The following FSTL5 variants were observed in gnomAD, a reference collection of about 807,000 sequenced individuals.
The protein encoded by FSTL5 is follistatin-related protein 5.
A neutral mutation model predicts 89.1 loss-of-function variants in FSTL5; 62 were observed. The ratio of observed to expected loss-of-function variants is 0.70; its 90% confidence interval spans 0.57 to 0.86. The LOEUF (loss-of-function observed/expected upper bound fraction) is 0.86. Ranked by LOEUF, FSTL5 falls within the 40% of genes least tolerant of loss-of-function variation. The pLI is 0.00. For missense variants in FSTL5, 1,057 were observed against 1,001.6 expected, an observed-to-expected ratio of 1.06 and a Z score of -0.75; for synonymous variants, 383 against 346.2, an observed-to-expected ratio of 1.11 and a Z score of -1.18.
At chr4:161,905,588 ACT>A (rs1277769224) in intron 4 of FSTL5, among the ~76,000 whole-genome samples, 4 of 152,094 alleles carry the variant, frequency 2.6e-5, no homozygotes, top group Admixed American at 2.6e-4. Context: ...TGATGTGAAG[ACT>A]CTGGGGACTC....
intron 15 of FSTL5, among the ~76,000 whole-genome samples, chr4:161,428,626 A>C (rs1330707068): frequency 2.0e-5 from 3 of 151,988 alleles, no homozygotes; most frequent in Non-Finnish European, 4.4e-5. Context: ...CTGGGCCAGA[A>C]GGGAAACCAC....
At chr4:161,740,444 G>A (rs1194519681) in intron 6 of FSTL5, among the ~76,000 whole-genome samples, 1 of 151,156 alleles carries the variant, frequency 6.6e-6, no homozygotes, top group Non-Finnish European at 1.5e-5. Flanking sequence ...AAGTATATCT[G>A]ACCCCATTTC....
intron 11 of FSTL5, among the ~76,000 whole-genome samples, chr4:161,507,085 C>T (rs1185484294): frequency 1.3e-5 from 2 of 151,858 alleles, no homozygotes; most frequent in Non-Finnish European, 2.9e-5. Context: ...AATTCATGTG[C>T]CAATAAATTT....
intron 3 of FSTL5, among the ~76,000 whole-genome samples, chr4:162,003,016 C>T (rs1421186331): frequency 1.3e-5 from 2 of 151,876 alleles, no homozygotes; most frequent in Admixed American, 6.6e-5. Context: ...TGGTGTCAGG[C>T]GCCTCTAGTC....
At chr4:161,458,441 C>T (rs191161904) in intron 14 of FSTL5, among the ~76,000 whole-genome samples, 1 of 152,050 alleles carries the variant, frequency 6.6e-6, no homozygotes, top group African/African-American at 2.4e-5. Context: ...CTGAAAATAA[C>T]TCAGAAACAT....
At chr4:161,906,421 G>A (rs937956229) in intron 4 of FSTL5, among the ~76,000 whole-genome samples, 3 of 152,130 alleles carry the variant, frequency 2.0e-5, no homozygotes, top group Non-Finnish European at 4.4e-5. Flanking sequence ...GATTGGAAAT[G>A]AGGTTGGAAA....
At position 162,141,202 on chromosome 4, in the gene FSTL5, C is replaced by T. The variant is rs1046672357; in HGVS notation, c.-17+22413G>A. Among the ~76,000 whole-genome samples the T allele has an allele frequency of 3.8e-4, 33 of 85,960 alleles. 1 individual carries two copies. Among genetic ancestry groups the T allele is most frequent in the Non-Finnish European group, 8.2e-4 (31 of 37,696 alleles). The allele number at this position is 85,960 out of a possible 152,430, so 56.4% of individuals were successfully genotyped here. ...CGCGATCTCGACTCACTGCAAGCTC[C>T]GCCTCCCGGGTTCACGCCATTCTCC... On this transcript the variant is annotated intron_variant, in intron 1 of 15. Transcript: ENST00000306100.
intron 3 of FSTL5, among the ~76,000 whole-genome samples, chr4:161,949,174 C>G (rs1024972836): frequency 1.3e-5 from 2 of 152,076 alleles, no homozygotes; most frequent in African/African-American, 4.8e-5. Flanking sequence ...GTTCTTCTCC[C>G]GCTTTCATTT....
intron 6 of FSTL5, among the ~76,000 whole-genome samples, chr4:161,730,316 C>T (rs1166951426): frequency 6.6e-6 from 1 of 151,962 alleles, no homozygotes; most frequent in African/African-American, 2.4e-5. Flanking sequence ...TGTTTTGAGT[C>T]AGTGTTCAGT....
chr4:161,584,478 T>A (rs1733540206), intron 8 of FSTL5, among the ~76,000 whole-genome samples: 1 of 152,190 alleles, frequency 6.6e-6, no homozygotes. Flanking sequence ...TACTGGATTA[T>A]TCCCATCAGC....
At chr4:161,481,423 A>T (rs913014446) in intron 12 of FSTL5, among the ~76,000 whole-genome samples, 1 of 151,794 alleles carries the variant, frequency 6.6e-6, no homozygotes, top group African/African-American at 2.4e-5. Context: ...TAGTTCTTTC[A>T]TTTTTTTTCC....
intron 8 of FSTL5, among the ~76,000 whole-genome samples, chr4:161,546,227 A>G (rs1731999569): frequency 6.7e-6 from 1 of 150,322 alleles, no homozygotes; most frequent in African/African-American, 2.4e-5. Flanking sequence ...GAAAATACAG[A>G]TGAGAGAGTA....
intron 4 of FSTL5, among the ~76,000 whole-genome samples, chr4:161,813,284 C>A (rs980132001): frequency 6.6e-6 from 1 of 152,084 alleles, no homozygotes; most frequent in Non-Finnish European, 1.5e-5. Context: ...CCGCCTTGGC[C>A]TCCCAAAGTG....
chr4:161,964,049 T>G (rs1735255615), intron 3 of FSTL5, among the ~76,000 whole-genome samples: 1 of 152,016 alleles, frequency 6.6e-6, no homozygotes, highest in East Asian at 1.9e-4. Flanking sequence ...TCTCTAGATT[T>G]ATTCAGGCTT....
chr4:161,537,011 T>C (rs1442328879), intron 10 of FSTL5, among the ~76,000 whole-genome samples: 3 of 152,124 alleles, frequency 2.0e-5, no homozygotes, highest in Non-Finnish European at 4.4e-5. Flanking sequence ...CAGCTTTTTT[T>C]CTCTTTTTTC....
intron 7 of FSTL5, among the ~76,000 whole-genome samples, chr4:161,615,495 A>T (rs1027737676): frequency 5.3e-5 from 8 of 151,130 alleles, no homozygotes; most frequent in Admixed American, 3.3e-4. Context: ...CTTCTAAATA[A>T]ATATGCACCT....
chr4:161,667,427 A>G (rs115692152), intron 6 of FSTL5, among the ~76,000 whole-genome samples: 291 of 152,182 alleles, frequency 1.9e-3, no homozygotes, highest in African/African-American at 6.9e-3. Context: ...ACTTTGAAAA[A>G]TTCAAGAATG....
chr4:162,099,046 T>A (rs1039844275), intron 2 of FSTL5, among the ~76,000 whole-genome samples: 3 of 152,102 alleles, frequency 2.0e-5, no homozygotes, highest in Non-Finnish European at 2.9e-5. Flanking sequence ...ATTGTATAAA[T>A]TTTTAGGTGC....
At chr4:161,470,492 C>T (rs971477091) in intron 13 of FSTL5, among the ~76,000 whole-genome samples, 1 of 152,042 alleles carries the variant, frequency 6.6e-6, no homozygotes, top group Non-Finnish European at 1.5e-5. Flanking sequence ...TTATTGTAGC[C>T]TTTGCAGTAA....
Sources: gnomAD v4.1 joint callset for allele counts (sites outside exome capture counted in the v4.1 genomes callset) on GRCh38, gnomAD v4.1.1 for gene constraint, MANE v1.5 for transcripts, NCBI Gene and HGNC (gene_info 2026-07-23, HGNC 2026-07-21) for gene names.